Variants in TIMP2 observed in about 807,000 individuals in gnomAD.
TIMP2 encodes the protein metalloproteinase inhibitor 2.
In TIMP2, 5 loss-of-function variants were observed where a neutral mutation model predicts 24.3. That is an observed-to-expected ratio of 0.21 (90% CI 0.11 to 0.43). TIMP2 has a LOEUF of 0.43. TIMP2 is among the 20% of genes least tolerant of loss of function. The pLI is 1.00. For missense variants in TIMP2, 221 were observed against 297.5 expected (o/e 0.74, Z 1.89); for synonymous variants, 130 against 123.2 (o/e 1.06, Z -0.37).
intron 1 of TIMP2, among the ~76,000 whole-genome samples, chr17:78,887,929 G>A (rs866853352): frequency 9.9e-5 from 15 of 152,212 alleles, no homozygotes; most frequent in South Asian, 2.1e-4. Context: ...TCATACACGC[G>A]ATGAGGATAT....
Position 78,896,316 on chromosome 17 carries a change from A to C in TIMP2, c.131-22397T>G, listed in dbSNP as rs2069998999. ...GGAGAAACAGCCGTTCACCTGTTGC[A>C]CAGCCTGCTGGGATGCCTGCCTCTG... On this transcript the variant is annotated intron_variant, in intron 1 of 4. Transcript: ENST00000262768. The surrounding 1 kb of genome is among the most constrained non-coding windows in gnomAD (Gnocchi z 4.4). 6.6e-6 allele frequency among the ~76,000 whole-genome samples: 1 copy of C among 152,198 alleles called. No homozygotes were observed. Among genetic ancestry groups the C allele is most frequent in the African/African-American group, 2.4e-5 (1 of 41,450 alleles).
At chr17:78,880,217 C>T (rs567339576) in intron 1 of TIMP2, among the ~76,000 whole-genome samples, 1,524 of 152,320 alleles carry the variant, frequency 0.01, 11 homozygotes, top group Non-Finnish European at 0.015. Flanking sequence ...GTTCTCTCTC[C>T]TCGGTGTCCC....
At chr17:78,871,869 T>C (rs1209306098) in intron 2 of TIMP2, among the ~76,000 whole-genome samples, 1 of 150,756 alleles carries the variant, frequency 6.6e-6, no homozygotes, top group Non-Finnish European at 1.5e-5. Flanking sequence ...GACTGTCATC[T>C]GGAGCATGAC....
At chr17:78,859,383 G>T (rs2044538439) in intron 3 of TIMP2, among the ~76,000 whole-genome samples, 1 of 152,250 alleles carries the variant, frequency 6.6e-6, no homozygotes, top group Non-Finnish European at 1.5e-5. Context: ...CCTCAGGCCA[G>T]GTGCGATGGC....
At chr17:78,886,489 G>A (rs996420993) in intron 1 of TIMP2, among the ~76,000 whole-genome samples, 1 of 152,116 alleles carries the variant, frequency 6.6e-6, no homozygotes, top group East Asian at 1.9e-4. Flanking sequence ...CTACGCTCCA[G>A]GTCTCCGTGT....
intron 1 of TIMP2, among the ~76,000 whole-genome samples, chr17:78,882,631 G>A (rs190301015): frequency 3.3e-5 from 5 of 152,298 alleles, no homozygotes; most frequent in East Asian, 1.9e-4. Context: ...GGCCGACCTC[G>A]CCAGCTGGAG....
chr17:78,906,165 G>A (rs2070156672), intron 1 of TIMP2, among the ~76,000 whole-genome samples: 1 of 152,158 alleles, frequency 6.6e-6, no homozygotes, highest in African/African-American at 2.4e-5. Flanking sequence ...GACCCCAGGA[G>A]TTTCAGACCA....
chr17:78,890,834 G>A lies in TIMP2; in HGVS notation c.131-16915C>T, dbSNP rs1281392600. 3 of 1,550,642 alleles carry A rather than the reference G, an allele frequency of 1.9e-6. No homozygotes were observed. The South Asian group carries it at 3.6e-5, about 18-fold the overall frequency. On this transcript the variant is annotated intron_variant, in intron 1 of 4. Transcript: ENST00000262768. ...TCTCTCCCTTTCCTGGGCTCTCGTG[G>A]AGGAGGACTTCAGATGGGCCAGTCG...
chr17:78,857,760 G>A, intron 3 of TIMP2, 114 bp from the exon 4 acceptor site: 1 of 1,410,790 alleles, frequency 7.1e-7, no homozygotes, highest in South Asian at 1.3e-5. Context: ...CCTGTGCACT[G>A]TCTATTCTGA....
intron 1 of TIMP2, among the ~76,000 whole-genome samples, chr17:78,903,548 C>T (rs6501259): frequency 0.96 from 146,202 of 152,232 alleles, 70,209 homozygotes; most frequent in South Asian, 0.98. Flanking sequence ...CTGACAACGC[C>T]TGCCATCCCT....
intron 1 of TIMP2, among the ~76,000 whole-genome samples, chr17:78,895,709 T>C (rs1211208626): frequency 2.0e-5 from 3 of 152,144 alleles, no homozygotes; most frequent in African/African-American, 7.2e-5. Flanking sequence ...CCAGCTCACA[T>C]GGAGGAGTTG....
rs754917578 is a variant in TIMP2, at chr17:78,857,667, C to G, written c.341-21G>C. ...CTTTCCTGCGGAGAGACGGGGATCA[C>G]CGAGCTCAGGGAGAGGGAAAAGTCC... On this transcript the variant is annotated intron_variant, in intron 3 of 4. Transcript: ENST00000262768. The G allele has an allele frequency of 1.9e-6, 3 of 1,613,860 alleles. No individual in the cohort carries two copies. In the Admixed American group the frequency reaches 5.0e-5, roughly 27 times the overall value.
At chr17:78,914,919 C>T (rs1472359419) in intron 1 of TIMP2, among the ~76,000 whole-genome samples, 7 of 128,110 alleles carry the variant, frequency 5.5e-5, no homozygotes, top group Admixed American at 5.2e-4. Context: ...TTTTTTGAGA[C>T]GGAGTCTTGC....
intron 1 of TIMP2, among the ~76,000 whole-genome samples, chr17:78,907,193 C>G (rs1444500685): frequency 6.6e-6 from 1 of 151,988 alleles, no homozygotes; most frequent in African/African-American, 2.4e-5. Flanking sequence ...GCCACCACAC[C>G]CAGCTAAGTT....
intron 2 of TIMP2, among the ~76,000 whole-genome samples, chr17:78,873,403 C>A (rs545584851): frequency 1.3e-5 from 2 of 151,460 alleles, no homozygotes; most frequent in Non-Finnish European, 2.9e-5. Flanking sequence ...TGGGCTTAAG[C>A]GATTCTCCCA....
Position 78,923,818 on chromosome 17 carries a change from G to A in TIMP2, c.130+1141C>T, listed in dbSNP as rs1295389906. Among the ~76,000 whole-genome samples, 5 of 152,150 alleles carry A rather than the reference G, an allele frequency of 3.3e-5. No homozygotes were observed. In the South Asian group the frequency reaches 1.0e-3, roughly 31 times the overall value. On this transcript the variant is annotated intron_variant, in intron 1 of 4. Coordinates refer to ENST00000262768, the MANE Select transcript of TIMP2 (RefSeq NM_003255.5). ...CCTAGGGCTAACCGGGGTGGGGCAA[G>A]AAGCCGTGGGCGGGGTATGGGAAGG...
intron 1 of TIMP2, chr17:78,890,578 G>GT: frequency 6.7e-7 from 1 of 1,488,318 alleles, no homozygotes; most frequent in Non-Finnish European, 9.0e-7. Flanking sequence ...AGAGACCCGG[G>GT]TACCAGTGCT....
At chr17:78,887,677 G>T (rs1017089046) in intron 1 of TIMP2, among the ~76,000 whole-genome samples, 1 of 150,202 alleles carries the variant, frequency 6.7e-6, no homozygotes, top group African/African-American at 2.5e-5. Context: ...GAGCAAACGC[G>T]CCCAGCCTCA....
chr17:78,914,363 A>G (rs1265957764), intron 1 of TIMP2, among the ~76,000 whole-genome samples: 2 of 151,420 alleles, frequency 1.3e-5, no homozygotes, highest in African/African-American at 4.9e-5. Flanking sequence ...GCTCACTGCA[A>G]CCTCCACCTC....
Sources: allele counts gnomAD v4.1 joint callset (sites outside exome capture counted in the v4.1 genomes callset), GRCh38; gene constraint gnomAD v4.1.1; non-coding constraint Gnocchi (gnomAD v3.1); transcripts MANE v1.5; gene names NCBI Gene and HGNC (gene_info 2026-07-23, HGNC 2026-07-21).